The following FAM135B variants were observed in gnomAD, a reference collection of about 807,000 sequenced individuals.
The protein encoded by FAM135B is protein FAM135B.
A neutral mutation model predicts 127.7 loss-of-function variants in FAM135B; 43 were observed. That is an observed-to-expected ratio of 0.34 (90% CI 0.26 to 0.43). The LOEUF (loss-of-function observed/expected upper bound fraction) is 0.43. Ranked by LOEUF, FAM135B falls within the 20% of genes least tolerant of loss-of-function variation. The probability of loss-of-function intolerance (pLI) is 1.00; values close to 1 mark genes in which losing one functional copy is unlikely to be tolerated. For missense variants in FAM135B, 1,558 were observed against 1,725.6 expected, an observed-to-expected ratio of 0.90 and a Z score of 1.72; for synonymous variants, 670 against 665.1, an observed-to-expected ratio of 1.01 and a Z score of -0.11.
At chr8:138,262,341 C>T (rs558680519) in intron 4 of FAM135B, among the ~76,000 whole-genome samples, 1 of 152,284 alleles carries the variant, frequency 6.6e-6, no homozygotes, top group East Asian at 1.9e-4. Flanking sequence ...GCCAGGGTAG[C>T]TCTTTGAGAT....
chr8:138,461,823 A>C (rs1269025654), intron 1 of FAM135B, among the ~76,000 whole-genome samples: 1 of 152,170 alleles, frequency 6.6e-6, no homozygotes, highest in African/African-American at 2.4e-5. Context: ...TTTCTTTTTA[A>C]AACCAGCACA....
chr8:138,133,433 T>C (rs73714174), intron 19 of FAM135B, among the ~76,000 whole-genome samples: 3 of 152,332 alleles, frequency 2.0e-5, no homozygotes, highest in African/African-American at 7.2e-5. Flanking sequence ...TAGATAGATT[T>C]GCACACCTGG....
intron 7 of FAM135B, among the ~76,000 whole-genome samples, chr8:138,198,552 AAAG>A (rs1296609669): frequency 6.6e-6 from 1 of 152,200 alleles, no homozygotes; most frequent in East Asian, 1.9e-4. Flanking sequence ...CGTAATGTAG[AAAG>A]AAGTTGTGAG....
intron 3 of FAM135B, among the ~76,000 whole-genome samples, chr8:138,299,888 A>AATTTTAATATAATTAAAATTGGTAT (rs1340010557): frequency 6.6e-6 from 1 of 152,182 alleles, no homozygotes; most frequent in African/African-American, 2.4e-5. Flanking sequence ...ATTTGTGGGA[A>AATTTTAATATAATTAAAATTGGTAT]ATTTTAATAT....
chr8:138,132,425 C>A lies in FAM135B; in HGVS notation c.*168G>T. On this transcript the variant is annotated 3_prime_UTR_variant, in exon 20 of 20. Coordinates refer to ENST00000395297, the MANE Select transcript of FAM135B (RefSeq NM_015912.4). This position sits in a 1 kb window ranked among gnomAD's most constrained non-coding sequence, Gnocchi z 4.5. ...TCATTTAGTCTATTTGCTCAGCTTT[C>A]TCGAATCTCCAAAACAAAAGCACCT... 1 of 617,530 alleles carries A rather than the reference C, an allele frequency of 1.6e-6. No individual in the cohort carries two copies. The highest frequency in any genetic ancestry group is 2.7e-5 in the East Asian group (1 of 37,176). The allele number at this position is 617,530 out of a possible 1,614,324, so 38.3% of individuals were successfully genotyped here.
In FAM135B at chr8:138,237,150, A is replaced by ATTTTTTTTTTTTTTTTTTTT. The variant is rs10604150; in HGVS notation, c.669+5772_669+5791dup. 8.9e-5 allele frequency among the ~76,000 whole-genome samples: 9 copies of ATTTTTTTTTTTTTTTTTTTT among 101,320 alleles called. 1 individual carries two copies. The highest frequency in any genetic ancestry group is 1.1e-4 in the Non-Finnish European group (6 of 53,402). 66.5% of individuals were successfully genotyped at this position (101,320 alleles called of 152,430 possible). A position where few individuals can be genotyped will look rare whatever the true frequency, so the allele number is the denominator to read the frequency against. ...CTCACTCTGAGTAACTGGATCCTTGATTTTTTTTTTTTTTTTTTTTTTTTG... is the reference window on the plus strand; with the variant it reads ...CTCACTCTGAGTAACTGGATCCTTGATTTTTTTTTTTTTTTTTTTTTTTTTTTTTTTTTTTTTTTTTTTTG... On this transcript the variant is annotated intron_variant, in intron 7 of 19. Coordinates refer to ENST00000395297, the MANE Select transcript of FAM135B (RefSeq NM_015912.4).
rs2130723937 is a variant in FAM135B at position 138,151,304 on chromosome 8, G to C, written c.3171C>G (p.Phe1057Leu). The change falls in exon 13 of 20, where the codon TTC (phenylalanine) becomes TTG (leucine). Residue 1057 changes from phenylalanine (F) to leucine (L), a missense_variant. Physicochemically the swap from Phe to Leu is conservative, Grantham distance 22 (BLOSUM62 0). Coordinates refer to ENST00000395297, the MANE Select transcript of FAM135B (RefSeq NM_015912.4). Reference protein sequence around the residue: ...VPKETPARAGFSSKQTLFPIT... With the variant: ...VPKETPARAGLSSKQTLFPIT... ...TGGGAAACAGGGTCTGTTTGGAAGA[G>C]AATCCAGCCCTGGCAGGGGTCTCCT... The C allele has an allele frequency of 6.2e-7, 1 of 1,614,042 alleles. No individual in the cohort carries two copies. The highest frequency in any genetic ancestry group is 8.5e-7 in the Non-Finnish European group (1 of 1,180,012).
chr8:138,464,282 C>T (rs1837278662), intron 1 of FAM135B, among the ~76,000 whole-genome samples: 1 of 152,146 alleles, frequency 6.6e-6, no homozygotes, highest in Non-Finnish European at 1.5e-5. Context: ...TCTTCACTCC[C>T]TCCTGAGACA....
At chr8:138,303,876 G>A (rs1826056731) in intron 3 of FAM135B, among the ~76,000 whole-genome samples, 2 of 152,208 alleles carry the variant, frequency 1.3e-5, no homozygotes, top group South Asian at 4.1e-4. Context: ...CATTTATAGA[G>A]AGCTGAAGAG....
Position 138,239,713 on chromosome 8 carries a change from G to A in FAM135B, c.669+3229C>T, listed in dbSNP as rs189038427. Reference sequence around the variant, plus strand: ...ACACATGCACATGTATGTTCACTGCGGCACTATTCACAATAGCAAAGACTT... The same window carrying A: ...ACACATGCACATGTATGTTCACTGCAGCACTATTCACAATAGCAAAGACTT... On this transcript the variant is annotated intron_variant, in intron 7 of 19. Coordinates refer to ENST00000395297, the MANE Select transcript of FAM135B (RefSeq NM_015912.4). Among the ~76,000 whole-genome samples, 207 of 152,134 alleles carry A rather than the reference G, an allele frequency of 1.4e-3. 1 individual carries two copies. Among genetic ancestry groups the A allele is most frequent in the Non-Finnish European group, 2.2e-3 (153 of 68,008 alleles).
chr8:138,284,300 C>G lies in FAM135B; in HGVS notation c.158-18458G>C, dbSNP rs140788148. Among the ~76,000 whole-genome samples, 1,058 of 152,164 alleles carry G rather than the reference C, an allele frequency of 7.0e-3. 7 individuals carry two copies. Among genetic ancestry groups the G allele is most frequent in the Non-Finnish European group, 0.011 (764 of 68,016 alleles). On this transcript the variant is annotated intron_variant, in intron 3 of 19. Transcript: ENST00000395297. The stretch of plus-strand genomic sequence containing the variant: ...CCCACCACAACCTTGTCCGTGCTCT[C>G]CTTGCCTCACTCCTGGACCACTCTG...
rs757486935 is a variant in FAM135B at position 138,153,206 on chromosome 8, C to G, written c.1269G>C (p.Leu423Phe). ...GAACATCAAAATTAGGATAAACACTCAAGTTATGCCCTACAAAAAAAAAAG... is the reference window on the plus strand; with the variant it reads ...GAACATCAAAATTAGGATAAACACTGAAGTTATGCCCTACAAAAAAAAAAG... ...YVDCPATGHN[L>F]SVYPNFDVPV... The change falls in exon 13 of 20, where the codon TTG becomes TTC. Residue 423 changes from leucine to phenylalanine, a missense_variant. Physicochemically the swap from Leu to Phe is conservative, Grantham distance 22. This residue lies in a region of FAM135B where 923 missense variants were observed against 865.3 expected (regional missense o/e 1.07). Transcript: ENST00000395297. 6.5e-7 allele frequency: 1 copy of G among 1,527,922 alleles called. No homozygotes were observed. The highest frequency in any genetic ancestry group is 8.7e-7 in the Non-Finnish European group (1 of 1,144,912). 94.6% of individuals were successfully genotyped at this position (1,527,922 alleles called of 1,614,324 possible). A position where few individuals can be genotyped will look rare whatever the true frequency, so the allele number is the denominator to read the frequency against.
At chr8:138,249,573 C>T (rs1445920337) in intron 6 of FAM135B, among the ~76,000 whole-genome samples, 1 of 152,150 alleles carries the variant, frequency 6.6e-6, no homozygotes, top group Non-Finnish European at 1.5e-5. Context: ...AGGAAAGGAA[C>T]CCAGCAGATG....
intron 4 of FAM135B, among the ~76,000 whole-genome samples, chr8:138,264,212 G>A (rs528861061): frequency 1.4e-4 from 22 of 152,228 alleles, no homozygotes; most frequent in East Asian, 1.9e-4. Flanking sequence ...ATCTTCCTCC[G>A]CAGTTGGGTC....
At chr8:138,469,722 T>C (rs772338069) in intron 1 of FAM135B, among the ~76,000 whole-genome samples, 1 of 152,208 alleles carries the variant, frequency 6.6e-6, no homozygotes, top group Non-Finnish European at 1.5e-5. Flanking sequence ...CTTCTCTGAA[T>C]TGTCATGCTA....
intron 5 of FAM135B, among the ~76,000 whole-genome samples, chr8:138,253,413 G>C (rs536047159): frequency 6.6e-6 from 1 of 152,228 alleles, no homozygotes; most frequent in East Asian, 1.9e-4. Context: ...CTTTCTTGTG[G>C]TGGGAGGGGG....
intron 2 of FAM135B, among the ~76,000 whole-genome samples, chr8:138,330,790 T>A (rs928187507): frequency 7.9e-5 from 12 of 152,092 alleles, no homozygotes; most frequent in Admixed American, 2.6e-4. Context: ...GTCCCACATT[T>A]CAGGCAATCA....
chr8:138,361,968 AT>A (rs1018640677), intron 2 of FAM135B, among the ~76,000 whole-genome samples: 2 of 151,772 alleles, frequency 1.3e-5, no homozygotes, highest in African/African-American at 4.8e-5. Context: ...TTTTTTCCTG[AT>A]TTTAAATTTT....
chr8:138,208,095 A>G (rs970632465), intron 7 of FAM135B, among the ~76,000 whole-genome samples: 10 of 152,116 alleles, frequency 6.6e-5, no homozygotes, highest in African/African-American at 2.4e-4. Context: ...TGAGGTTACC[A>G]CCACTCCACT....
Sources: gnomAD v4.1 joint callset for allele counts (sites outside exome capture counted in the v4.1 genomes callset) on GRCh38, gnomAD v4.1.1 for gene constraint, gnomAD v4.1.1 regional missense constraint, Gnocchi (gnomAD v3.1) non-coding constraint, MANE v1.5 for transcripts, NCBI Gene and HGNC (gene_info 2026-07-23, HGNC 2026-07-21) for gene names.